Variants in LRMDA observed in about 807,000 individuals in gnomAD.
LRMDA encodes leucine-rich melanocyte differentiation-associated protein.
Under a neutral mutation model 29.8 loss-of-function variants are expected in LRMDA, and 18 were observed. The ratio of observed to expected loss-of-function variants is 0.60; its 90% confidence interval spans 0.42 to 0.90. LRMDA has a LOEUF of 0.90. Ranked by LOEUF, LRMDA falls within the 40% of genes least tolerant of loss-of-function variation. The pLI is 0.00. For missense variants in LRMDA, 273 were observed against 273.9 expected (o/e 1.00, Z 0.02); for synonymous variants, 125 against 109.4 (o/e 1.14, Z -0.89).
rs899463827 is a variant in LRMDA, at chr10:76,213,253, G to A, written c.517-111148G>A. Among the ~76,000 whole-genome samples the A allele has an allele frequency of 2.6e-5, 4 of 152,174 alleles. No homozygotes were observed. The South Asian group carries it at 8.3e-4, about 32-fold the overall frequency. ...TTACTGGAGGCACATCTCTCTGTCG[G>A]GTGATTCAGACTGTATATGAGATTG... On this transcript the variant is annotated intron_variant, in intron 5 of 6. Transcript: ENST00000611255.
chr10:76,048,941 T>G (rs566765343), intron 4 of LRMDA, among the ~76,000 whole-genome samples: 199 of 151,998 alleles, frequency 1.3e-3, no homozygotes, highest in African/African-American at 4.4e-3. Context: ...TTTCTGGAGG[T>G]GGCTTGAAAC....
chr10:76,506,354 G>T (rs964151426), intron 6 of LRMDA, among the ~76,000 whole-genome samples: 9 of 151,886 alleles, frequency 5.9e-5, no homozygotes, highest in African/African-American at 1.9e-4. Flanking sequence ...AGACATTCAG[G>T]TCCTAAATAT....
intron 6 of LRMDA, chr10:76,470,408 A>G (rs1366071671): frequency 6.6e-6 from 1 of 152,166 alleles, no homozygotes; most frequent in Non-Finnish European, 1.5e-5. Flanking sequence ...ATACACCCCA[A>G]AGAACTGAAA....
chr10:75,586,614 A>G (rs1019578010), intron 2 of LRMDA, among the ~76,000 whole-genome samples: 13 of 152,218 alleles, frequency 8.5e-5, no homozygotes, highest in Admixed American at 2.6e-4. Context: ...TGCTGGGAGT[A>G]CAGACATGAG....
intron 5 of LRMDA, among the ~76,000 whole-genome samples, chr10:76,063,259 CTG>C (rs1386427192): frequency 1.3e-5 from 2 of 152,196 alleles, no homozygotes; most frequent in Non-Finnish European, 2.9e-5. Flanking sequence ...ATAAATATGT[CTG>C]TGAGTAGTGA....
intron 2 of LRMDA, among the ~76,000 whole-genome samples, chr10:75,901,176 A>G (rs766655032): frequency 1.4e-4 from 22 of 152,334 alleles, no homozygotes; most frequent in Non-Finnish European, 2.8e-4. Context: ...CTTGAACTCC[A>G]GTGGTCTGGG....
At chr10:75,516,637 C>G (rs556650037) in intron 2 of LRMDA, among the ~76,000 whole-genome samples, 29 of 152,188 alleles carry the variant, frequency 1.9e-4, no homozygotes, top group Non-Finnish European at 3.4e-4. Flanking sequence ...AAATTTTCTC[C>G]CATTCTATAG....
intron 2 of LRMDA, among the ~76,000 whole-genome samples, chr10:75,592,633 C>G (rs533208569): frequency 1.6e-4 from 25 of 152,310 alleles, no homozygotes; most frequent in African/African-American, 3.6e-4. Context: ...TCGGGCATAA[C>G]GGGTTTCCTC....
chr10:76,134,691 G>A (rs1213864395), intron 5 of LRMDA, among the ~76,000 whole-genome samples: 1 of 152,104 alleles, frequency 6.6e-6, no homozygotes, highest in Admixed American at 6.5e-5. Context: ...TATAATTTGA[G>A]TGATTGACCC....
At chr10:75,612,749 A>G (rs1018597610) in intron 2 of LRMDA, among the ~76,000 whole-genome samples, 1 of 151,416 alleles carries the variant, frequency 6.6e-6, no homozygotes, top group Admixed American at 6.6e-5. Flanking sequence ...ATGCCCTCTC[A>G]CTGTGAAAGT....
intron 2 of LRMDA, among the ~76,000 whole-genome samples, chr10:75,484,781 C>T (rs558470690): frequency 2.0e-5 from 3 of 152,208 alleles, no homozygotes; most frequent in East Asian, 1.9e-4. Flanking sequence ...AGAAGGTGGC[C>T]GTCTACAATC....
chr10:76,322,027 G>C (rs769735095), intron 5 of LRMDA, among the ~76,000 whole-genome samples: 3 of 152,132 alleles, frequency 2.0e-5, no homozygotes, highest in African/African-American at 7.2e-5. Flanking sequence ...ACTCAAATTT[G>C]CTTATTCTCA....
intron 2 of LRMDA, among the ~76,000 whole-genome samples, chr10:75,792,003 G>A (rs1315833102): frequency 1.3e-5 from 2 of 151,650 alleles, no homozygotes; most frequent in Admixed American, 6.6e-5. Context: ...GGGACTGCAG[G>A]TGCCCGCCAC....
At chr10:76,252,072 A>G (rs970551336) in intron 5 of LRMDA, among the ~76,000 whole-genome samples, 1 of 152,202 alleles carries the variant, frequency 6.6e-6, no homozygotes, top group Non-Finnish European at 1.5e-5. Flanking sequence ...AGCTACTGAT[A>G]TAACATATTA....
At chr10:76,491,830 T>C (rs1449417260) in intron 6 of LRMDA, among the ~76,000 whole-genome samples, 1 of 152,062 alleles carries the variant, frequency 6.6e-6, no homozygotes, top group East Asian at 1.9e-4. Context: ...CTTTTGAGGC[T>C]ATTTTCTAGA....
intron 2 of LRMDA, among the ~76,000 whole-genome samples, chr10:75,989,276 A>G (rs1241700325): frequency 6.6e-6 from 1 of 152,238 alleles, no homozygotes; most frequent in Admixed American, 6.5e-5. Context: ...AAGAGGATTA[A>G]TGGTTCTGCA....
At chr10:75,619,754 G>A (rs12778686) in intron 2 of LRMDA, among the ~76,000 whole-genome samples, 76,039 of 151,908 alleles carry the variant, frequency 0.5, 21,435 homozygotes, top group Non-Finnish European at 0.62. Flanking sequence ...TTCAGGGTTT[G>A]GTAGATCTGG....
chr10:76,245,868 A>G (rs940380437), intron 5 of LRMDA, among the ~76,000 whole-genome samples: 2 of 152,238 alleles, frequency 1.3e-5, no homozygotes, highest in Non-Finnish European at 2.9e-5. Context: ...ATTCTTGAAC[A>G]TATTATCTAA....
chr10:76,413,036 G>T (rs1229991789), intron 6 of LRMDA, among the ~76,000 whole-genome samples: 1 of 151,990 alleles, frequency 6.6e-6, no homozygotes, highest in Non-Finnish European at 1.5e-5. Flanking sequence ...ATGAGTCCTG[G>T]TGATTCCAGA....
Sources: gnomAD v4.1 joint callset for allele counts (sites outside exome capture counted in the v4.1 genomes callset) on GRCh38, gnomAD v4.1.1 for gene constraint, MANE v1.5 for transcripts, NCBI Gene and HGNC (gene_info 2026-07-23, HGNC 2026-07-21) for gene names.